HECW2: variants seen among roughly 807,000 people sequenced by gnomAD.
HECW2 encodes E3 ubiquitin-protein ligase HECW2.
HECW2 carries 61 observed loss-of-function variants against 175.2 expected under a neutral mutation model. The ratio of observed to expected loss-of-function variants is 0.35; its 90% CI spans 0.28 to 0.43. The LOEUF is 0.43. Ranked by LOEUF, HECW2 falls within the 20% of genes least tolerant of loss-of-function variation. The pLI is 1.00. For synonymous variants in HECW2, 671 were observed against 731.0 expected (o/e 0.92, Z 1.32); for missense variants, 1,524 against 2,000.5 (o/e 0.76, Z 4.54).
chr2:196,385,777 TA>T, intron 2 of HECW2, among the ~76,000 whole-genome samples: 1 of 152,328 alleles, frequency 6.6e-6, no homozygotes, highest in Non-Finnish European at 1.5e-5. Flanking sequence ...TTGTCTAGAT[TA>T]AAATAACTAC....
At chr2:196,228,827 A>G (rs1687946672) in intron 21 of HECW2, among the ~76,000 whole-genome samples, 1 of 152,232 alleles carries the variant, frequency 6.6e-6, no homozygotes, top group Non-Finnish European at 1.5e-5. Context: ...AATGTTTTAA[A>G]TGATAAAACA....
intron 13 of HECW2, among the ~76,000 whole-genome samples, chr2:196,297,855 C>A (rs1690877983): frequency 6.6e-6 from 1 of 152,150 alleles, no homozygotes; most frequent in Admixed American, 6.5e-5. Flanking sequence ...GATATCAAAA[C>A]AGTCCTGTTT....
intron 28 of HECW2, among the ~76,000 whole-genome samples, chr2:196,212,070 C>T (rs915746961): frequency 1.3e-5 from 2 of 152,188 alleles, no homozygotes; most frequent in African/African-American, 4.8e-5. Context: ...CTCCTGACCT[C>T]AGGCAATCCG....
intron 23 of HECW2, 77 bp downstream of exon 23, chr2:196,225,693 CTT>C: frequency 3.5e-6 from 3 of 868,914 alleles, no homozygotes; most frequent in East Asian, 2.5e-5. Flanking sequence ...TAAACAATGA[CTT>C]TGACAGAAGA....
chr2:196,368,158 A>C (rs1328475975), intron 2 of HECW2, among the ~76,000 whole-genome samples: 1 of 152,156 alleles, frequency 6.6e-6, no homozygotes, highest in African/African-American at 2.4e-5. Flanking sequence ...TTGCTGGATC[A>C]TATGTTAGTT....
At chr2:196,359,334 G>A (rs886401610) in intron 2 of HECW2, among the ~76,000 whole-genome samples, 14 of 152,176 alleles carry the variant, frequency 9.2e-5, no homozygotes, top group Non-Finnish European at 2.1e-4. Context: ...TGTAGTCCCA[G>A]CTACTCAGGA....
chr2:196,383,377 G>A, intron 2 of HECW2, among the ~76,000 whole-genome samples: 1 of 152,168 alleles, frequency 6.6e-6, no homozygotes, highest in East Asian at 1.9e-4. Context: ...GGATGTAAGT[G>A]TATAGGTATT....
chr2:196,380,091 T>A (rs1298150862), intron 2 of HECW2, among the ~76,000 whole-genome samples: 2 of 152,214 alleles, frequency 1.3e-5, no homozygotes, highest in Non-Finnish European at 2.9e-5. Flanking sequence ...AATATCCCTA[T>A]TAGAAGTTCA....
chr2:196,512,321 C>A (rs1687978675), intron 1 of HECW2, among the ~76,000 whole-genome samples: 1 of 152,224 alleles, frequency 6.6e-6, no homozygotes, highest in Non-Finnish European at 1.5e-5. Context: ...CACCACTTTG[C>A]AACCTTCCTT....
chr2:196,276,306 G>A (rs535755773), intron 15 of HECW2, among the ~76,000 whole-genome samples: 2 of 152,258 alleles, frequency 1.3e-5, no homozygotes, highest in African/African-American at 4.8e-5. Flanking sequence ...TTATCTCTGG[G>A]CCACTGCTCA....
intron 2 of HECW2, among the ~76,000 whole-genome samples, chr2:196,376,032 C>T (rs4850702): frequency 0.71 from 107,665 of 152,202 alleles, 41,675 homozygotes; most frequent in East Asian, 0.94. Flanking sequence ...CTCAGAACCA[C>T]GTTTTATTAA....
At chr2:196,367,919 G>A (rs534757041) in intron 2 of HECW2, among the ~76,000 whole-genome samples, 5 of 150,430 alleles carry the variant, frequency 3.3e-5, no homozygotes, top group Non-Finnish European at 5.9e-5. Flanking sequence ...ATATATATAT[G>A]AGATACATAG....
intron 14 of HECW2, chr2:196,291,777 A>G (rs748856821): frequency 3.3e-5 from 5 of 152,238 alleles, no homozygotes; most frequent in Admixed American, 1.3e-4. Flanking sequence ...GTACATGGCA[A>G]TAATAATAGT....
chr2:196,251,924 C>G (rs1004293239), intron 19 of HECW2, among the ~76,000 whole-genome samples: 1 of 152,022 alleles, frequency 6.6e-6, no homozygotes, highest in Admixed American at 6.6e-5. Context: ...GCTGGCTGGG[C>G]GTGGCAACTC....
intron 1 of HECW2, among the ~76,000 whole-genome samples, chr2:196,461,862 C>T (rs764835239): frequency 6.6e-6 from 1 of 152,028 alleles, no homozygotes; most frequent in Non-Finnish European, 1.5e-5. Flanking sequence ...ATTATGGGGA[C>T]CACAGGAACC....
chr2:196,490,173 C>T (rs1687137115), intron 1 of HECW2, among the ~76,000 whole-genome samples: 1 of 152,196 alleles, frequency 6.6e-6, no homozygotes, highest in Admixed American at 6.5e-5. Context: ...GGGCTTGGCC[C>T]TCCTTGGGAA....
chr2:196,355,812 A>C (rs1373108417), intron 2 of HECW2, among the ~76,000 whole-genome samples: 1 of 152,142 alleles, frequency 6.6e-6, no homozygotes, highest in African/African-American at 2.4e-5. Context: ...ATAAGCAAAA[A>C]TGTAATGTCA....
At chr2:196,249,004 T>C (rs1575292520) in intron 19 of HECW2, among the ~76,000 whole-genome samples, 2 of 152,046 alleles carry the variant, frequency 1.3e-5, no homozygotes, top group African/African-American at 4.8e-5. Flanking sequence ...CCCCAAACCA[T>C]GAAATATCCT....
intron 1 of HECW2, among the ~76,000 whole-genome samples, chr2:196,445,380 A>G (rs1411452121): frequency 6.6e-6 from 1 of 152,250 alleles, no homozygotes; most frequent in East Asian, 1.9e-4. Context: ...CAGTGTTAAC[A>G]GCATCTCCAT....
Sources: allele counts gnomAD v4.1 joint callset (sites outside exome capture counted in the v4.1 genomes callset), GRCh38; gene constraint gnomAD v4.1.1; transcripts MANE v1.5; gene names NCBI Gene and HGNC (gene_info 2026-07-23, HGNC 2026-07-21).